ERBB4: variants seen among roughly 807,000 people sequenced by gnomAD.
ERBB4 encodes receptor tyrosine-protein kinase erbB-4.
ERBB4 carries 42 observed loss-of-function variants against 158.0 expected under a neutral mutation model. The ratio of observed to expected loss-of-function variants is 0.27; its 90% CI spans 0.21 to 0.34. ERBB4 has a LOEUF of 0.34. Among genes scored for constraint, ERBB4 ranks in the 10% least tolerant of loss-of-function variants. ERBB4 has a pLI of 1.00. For missense variants in ERBB4, 1,333 were observed against 1,624.1 expected (o/e 0.82, Z 3.08); for synonymous variants, 583 against 558.7 (o/e 1.04, Z -0.61).
At chr2:212,114,967 G>T (rs997651626) in intron 2 of ERBB4, among the ~76,000 whole-genome samples, 2 of 152,092 alleles carry the variant, frequency 1.3e-5, no homozygotes, top group Non-Finnish European at 2.9e-5. Flanking sequence ...AAGGTGCTGG[G>T]CATCATGATA....
At chr2:212,010,419 T>C (rs2076357804) in intron 2 of ERBB4, among the ~76,000 whole-genome samples, 1 of 152,116 alleles carries the variant, frequency 6.6e-6, no homozygotes, top group Non-Finnish European at 1.5e-5. Flanking sequence ...AACAGCAAGT[T>C]TTCTATTAAG....
At chr2:212,437,287 T>C (rs922896325) in intron 1 of ERBB4, among the ~76,000 whole-genome samples, 1 of 151,996 alleles carries the variant, frequency 6.6e-6, no homozygotes, top group South Asian at 2.1e-4. Context: ...GATACAAGGA[T>C]TTCCCTTACT....
At chr2:212,332,279 C>T (rs933099290) in intron 1 of ERBB4, among the ~76,000 whole-genome samples, 6 of 152,040 alleles carry the variant, frequency 3.9e-5, no homozygotes, top group Non-Finnish European at 5.9e-5. Context: ...CTCCTGACGC[C>T]GCCATGGAAG....
intron 20 of ERBB4, among the ~76,000 whole-genome samples, chr2:211,491,752 A>G (rs1412219381): frequency 6.6e-6 from 1 of 152,098 alleles, no homozygotes; most frequent in Admixed American, 6.5e-5. Flanking sequence ...CATGAATGAG[A>G]TCAATGGAAA....
intron 3 of ERBB4, among the ~76,000 whole-genome samples, chr2:211,847,611 A>G (rs886797907): frequency 6.7e-6 from 1 of 149,710 alleles, no homozygotes; most frequent in African/African-American, 2.4e-5. Flanking sequence ...ACAAATTTGT[A>G]AACTTTCTTA....
intron 20 of ERBB4, among the ~76,000 whole-genome samples, chr2:211,470,004 C>G (rs1483273967): frequency 6.6e-6 from 1 of 151,780 alleles, no homozygotes; most frequent in Non-Finnish European, 1.5e-5. Flanking sequence ...TACTTGAAAA[C>G]ATGAGGAACA....
intron 1 of ERBB4, among the ~76,000 whole-genome samples, chr2:212,186,772 C>A (rs2082027630): frequency 6.6e-6 from 1 of 151,970 alleles, no homozygotes; most frequent in South Asian, 2.1e-4. Context: ...ACATACTCAA[C>A]AATATTCAAA....
chr2:211,711,233 T>A (rs2073688535), intron 9 of ERBB4, among the ~76,000 whole-genome samples: 1 of 152,200 alleles, frequency 6.6e-6, no homozygotes. Flanking sequence ...TGGACATATT[T>A]ATTCATAATA....
At chr2:211,535,684 A>C (rs1417470743) in intron 20 of ERBB4, 2 of 152,596 alleles carry the variant, frequency 1.3e-5, no homozygotes, top group South Asian at 4.2e-4. Flanking sequence ...AATGCACCCG[A>C]TCTCGTCTGA....
At chr2:212,081,770 T>C (rs1374080518) in intron 2 of ERBB4, among the ~76,000 whole-genome samples, 1 of 152,150 alleles carries the variant, frequency 6.6e-6, no homozygotes, top group Non-Finnish European at 1.5e-5. Flanking sequence ...TGAAGCAGAA[T>C]ACAACATTAC....
chr2:212,265,355 T>C (rs1243440003), intron 1 of ERBB4, among the ~76,000 whole-genome samples: 2 of 152,142 alleles, frequency 1.3e-5, no homozygotes, highest in Non-Finnish European at 2.9e-5. Context: ...TGAATTATTG[T>C]ACATGTGTAG....
intron 20 of ERBB4, among the ~76,000 whole-genome samples, chr2:211,541,974 G>T (rs1485696099): frequency 6.6e-6 from 1 of 151,876 alleles, no homozygotes; most frequent in Non-Finnish European, 1.5e-5. Flanking sequence ...AACCAAAGAT[G>T]TAATAAATAA....
chr2:212,175,370 G>T (rs2081631820), intron 1 of ERBB4, among the ~76,000 whole-genome samples: 1 of 151,886 alleles, frequency 6.6e-6, no homozygotes, highest in South Asian at 2.1e-4. Context: ...TTATGTCACT[G>T]TTTCTCTCTG....
Position 211,705,384 on chromosome 2 carries a change from A to G in ERBB4, c.1132T>C (p.Tyr378His), listed in dbSNP as rs1457790169. The G allele has an allele frequency of 6.2e-7, 1 of 1,608,380 alleles. No individual in the cohort carries two copies. The highest frequency in any genetic ancestry group is 8.5e-7 in the Non-Finnish European group (1 of 1,174,934). Residue 378 changes from tyrosine (Y) to histidine (H), a missense_variant, in exon 10 of 28, where the codon TAC becomes CAC. Tyr to His is a moderately conservative substitution (Grantham distance 83). Around this residue, in one of 5 missense-constraint regions of ERBB4, gnomAD observed 438 missense variants for 586.9 expected, o/e 0.75. Coordinates refer to ENST00000342788, the MANE Select transcript of ERBB4 (RefSeq NM_005235.3). Reference sequence around the variant, plus strand: ...GGGTCTATGGCTTCAATTGCATTGTAAGGGTCCCTAGAAAATCAAGAAGAG... The same window carrying G: ...GGGTCTATGGCTTCAATTGCATTGTGAGGGTCCCTAGAAAATCAAGAAGAG... ...FLVTGIHGDP[Y>H]NAIEAIDPEK...
At chr2:211,448,961 T>A (rs1304256148) in intron 20 of ERBB4, among the ~76,000 whole-genome samples, 2 of 152,098 alleles carry the variant, frequency 1.3e-5, no homozygotes, top group African/African-American at 4.8e-5. Flanking sequence ...ATTTCAGTGT[T>A]CTCTATTAAG....
At chr2:212,192,065 T>TTA (rs748410463) in intron 1 of ERBB4, among the ~76,000 whole-genome samples, 2 of 126,056 alleles carry the variant, frequency 1.6e-5, no homozygotes, top group Admixed American at 8.4e-5. Context: ...GTTATATATG[T>TTA]TATATGTTAT....
chr2:211,880,864 T>A (rs533605296), intron 3 of ERBB4, among the ~76,000 whole-genome samples: 29 of 152,310 alleles, frequency 1.9e-4, no homozygotes, highest in African/African-American at 7.0e-4. Context: ...ACATCAATTT[T>A]CAAGGAAAAT....
intron 2 of ERBB4, among the ~76,000 whole-genome samples, chr2:212,046,735 G>T (rs1042339391): frequency 5.9e-5 from 9 of 152,128 alleles, no homozygotes; most frequent in African/African-American, 2.2e-4. Flanking sequence ...TCTATCAGAT[G>T]TAATGGAAAA....
In ERBB4 at chr2:211,905,679, T is replaced by TAC. The variant is rs1491286260; in HGVS notation, c.421+41750_421+41751insGT. On this transcript the variant is annotated intron_variant, in intron 3 of 27. Coordinates refer to ENST00000342788, the MANE Select transcript of ERBB4 (RefSeq NM_005235.3). Reference sequence around the variant, plus strand: ...ATATATATATATATATATATATATATATACACACATATATGTGTGTGTATG... The same window carrying TAC: ...ATATATATATATATATATATATATATACATACACACATATATGTGTGTGTATG... Among the ~76,000 whole-genome samples the TAC allele has an allele frequency of 3.8e-4, 41 of 107,550 alleles. 1 individual carries two copies. The highest frequency in any genetic ancestry group is 1.3e-3 in the African/African-American group (38 of 29,894). 70.6% of individuals were successfully genotyped at this position (107,550 alleles called of 152,430 possible).
Sources: allele counts gnomAD v4.1 joint callset (sites outside exome capture counted in the v4.1 genomes callset), GRCh38; gene constraint gnomAD v4.1.1; regional missense constraint gnomAD v4.1.1; transcripts MANE v1.5; gene names NCBI Gene and HGNC (gene_info 2026-07-23, HGNC 2026-07-21).